Variants in SERPINA7 observed in about 807,000 individuals in gnomAD.
SERPINA7 encodes thyroxine-binding globulin.
A neutral mutation model predicts 16.0 loss-of-function variants in SERPINA7; 14 were observed. That is an observed-to-expected ratio of 0.88 (90% CI 0.58 to 1.37). The LOEUF (loss-of-function observed/expected upper bound fraction) is 1.37, where lower values mean the gene tolerates loss of function less well. Ranked by LOEUF, SERPINA7 falls within the 40% of genes most tolerant of loss-of-function variation. The pLI, the probability that SERPINA7 is intolerant of heterozygous loss-of-function variation, is 0.00. For missense variants in SERPINA7, 335 were observed against 296.6 expected, an observed-to-expected ratio of 1.13 and a Z score of -0.95; for synonymous variants, 140 against 111.0, an observed-to-expected ratio of 1.26 and a Z score of -1.65.
chrX:106,034,642 A>G (rs73517294), intron 3 of SERPINA7, among the ~76,000 whole-genome samples: 7,715 of 111,787 alleles, frequency 0.069, 653 homozygotes, highest in African/African-American at 0.24. Context: ...AATATCCCTG[A>G]GGTGACGACC....
rs1468048105 is a variant in SERPINA7, at chrX:106,036,478, G to A, written c.581C>T (p.Pro194Leu). 3.3e-6 allele frequency: 4 copies of A among 1,210,698 alleles called. No homozygotes were observed. Among genetic ancestry groups the A allele is most frequent in the Non-Finnish European group, 4.5e-6 (4 of 894,697 alleles). The change falls in exon 2 of 5, where the codon CCA (proline) becomes CTA (leucine). Residue 194 changes from proline to leucine, a missense_variant. Transcript: ENST00000372563. ...KVVGLIQDLK[P>L]NTIMVLVNYI... ...GTTCACTAAGACCATGATGGTGTTT[G>A]GCTTGAGGTCTTGAATTAGACCCAC...
rs1371977385 is a variant in SERPINA7, at chrX:106,036,512, C to T, written c.547G>A (p.Gly183Arg). The T allele has an allele frequency of 8.3e-7, 1 of 1,211,064 alleles. No homozygotes were observed. The highest frequency in any genetic ancestry group is 1.8e-5 in the South Asian group (1 of 56,968). Residue 183 changes from glycine to arginine, a missense_variant, in exon 2 of 5, where the codon GGG becomes AGG. Physicochemically the swap from Gly to Arg is moderately radical, Grantham distance 125. Transcript: ENST00000372563. ...TCTTGAATTAGACCCACAACTTTCC[C>T]TTTGGTTTGCATCTCCACATGACTG... ...INSHVEMQTKGKVVGLIQDLK... is the reference protein window; with the variant it reads ...INSHVEMQTKRKVVGLIQDLK...
rs945819823 is a variant in SERPINA7 at position 106,032,849 on chromosome X, C to A, written c.*651G>T. 2 of 113,560 alleles carry A rather than the reference C, an allele frequency of 1.8e-5. No homozygotes were observed. The highest frequency in any genetic ancestry group is 3.7e-5 in the Non-Finnish European group (2 of 54,458). 9.4% of individuals were successfully genotyped at this position (113,560 alleles called of 1,213,427 possible). On this transcript the variant is annotated 3_prime_UTR_variant, in exon 5 of 5. Coordinates refer to ENST00000372563, the MANE Select transcript of SERPINA7 (RefSeq NM_000354.6). ...ATGAATGAATTACTTTCTTTCTCCA[C>A]TCCCAGCTTATACATTGGCAAGGTG...
intron 2 of SERPINA7, 76 bp from the exon 3 acceptor site, chrX:106,035,461 T>C (rs1431439615): frequency 9.8e-7 from 1 of 1,019,438 alleles, no homozygotes; most frequent in East Asian, 3.0e-5. Flanking sequence ...CATTAGTGAT[T>C]TCATTTAGAA....
At chrX:106,034,193 C>T (rs1282264931) in intron 4 of SERPINA7, 42 bp downstream of exon 4, 2 of 1,179,387 alleles carry the variant, frequency 1.7e-6, no homozygotes, top group African/African-American at 3.5e-5. Flanking sequence ...CCTAATTGCT[C>T]TTCCAGTTCA....
chrX:106,035,286 A>T lies in SERPINA7; in HGVS notation c.722T>A (p.Met241Lys). ...ATCCACTAGGTGATAGTATTGTTCC[A>T]TCTGGTGCATCATGGGCACTTGAAC... The part of the protein sequence containing the change: ...TTVQVPMMHQ[M>K]EQYYHLVDME... Residue 241 changes from methionine (M) to lysine (K), a missense_variant, in exon 3 of 5, where the codon ATG becomes AAG. Met to Lys is a moderately conservative substitution (Grantham distance 95). Transcript: ENST00000372563. 1 of 1,210,886 alleles carries T rather than the reference A, an allele frequency of 8.3e-7. No homozygotes were observed. The highest frequency in any genetic ancestry group is 1.1e-6 in the Non-Finnish European group (1 of 894,703).
At chrX:106,034,508 A>G (rs1255614676) in intron 3 of SERPINA7, 126 bp from the exon 4 acceptor site, 3 of 605,636 alleles carry the variant, frequency 5.0e-6, no homozygotes, top group Middle Eastern at 3.2e-4. Context: ...AACCATTACT[A>G]TGTAAGTCAA....
chrX:106,037,209 G>T, intron 1 of SERPINA7, 134 bp from the exon 2 acceptor site: 2 of 518,059 alleles, frequency 3.9e-6, no homozygotes, highest in Middle Eastern at 5.6e-4. Flanking sequence ...GCTCATCAGG[G>T]GCTGAGCAGG....
Position 106,036,743 on chromosome X carries a change from C to G in SERPINA7, c.316G>C (p.Val106Leu), listed in dbSNP as rs1254254939. 8.3e-7 allele frequency: 1 copy of G among 1,208,949 alleles called. No homozygotes were observed. Among genetic ancestry groups the G allele is most frequent in the East Asian group, 3.0e-5 (1 of 33,699 alleles). Residue 106 changes from valine to leucine, a missense_variant, in exon 2 of 5, where the codon GTA (valine) becomes CTA (leucine). By Grantham distance (32) the Val-to-Leu change is conservative (BLOSUM62 1). Transcript: ENST00000372563. ...TGCTGGAAGCCATGCTGGATCTCTA[C>G]CATTGGAGTGTCTGTGAGGTTGAAC... Reference protein sequence around the residue: ...LGFNLTDTPMVEIQHGFQHLI... With the variant: ...LGFNLTDTPMLEIQHGFQHLI...
At chrX:106,033,728 G>C (rs754097471) in intron 4 of SERPINA7, 25 bp from the exon 5 acceptor site, 2 of 1,208,931 alleles carry the variant, frequency 1.7e-6, no homozygotes, top group Non-Finnish European at 2.2e-6. Context: ...CAAATCCTGC[G>C]GGTCTCTGAA....
chrX:106,036,528 C>G lies in SERPINA7; in HGVS notation c.531G>C (p.Val177=), dbSNP rs1264114901. The G allele has an allele frequency of 8.3e-7, 1 of 1,211,206 alleles. No homozygotes were observed. The highest frequency in any genetic ancestry group is 2.2e-5 in the Admixed American group (1 of 45,980). The change falls in exon 2 of 5, where the codon GTG becomes GTC. Residue 177 remains valine, a synonymous_variant. Coordinates refer to ENST00000372563, the MANE Select transcript of SERPINA7 (RefSeq NM_000354.6). ...CAACTTTCCCTTTGGTTTGCATCTC[C>G]ACATGACTGTTAATCTCCTGCTTGG... ...SAAKQEINSH[V]EMQTKGKVVG...
rs2041423365 is a variant in SERPINA7 at position 106,033,522 on chromosome X, A to G, written c.1226T>C (p.Val409Ala). 1 of 1,209,587 alleles carries G rather than the reference A, an allele frequency of 8.3e-7. No individual in the cohort carries two copies. Among genetic ancestry groups the G allele is most frequent in the African/African-American group, 1.8e-5 (1 of 57,139 alleles). Residue 409 changes from valine (V) to alanine (A), a missense_variant, in exon 5 of 5, where the codon GTT becomes GCT. Transcript: ENST00000372563. ...STRSILFLGK[V>A]VNPTEA ...CAACTACGCTTCCGTTGGGTTCACA[A>G]CTTTCCCTAGAAAGAGAATACTCCT...
chrX:106,033,732 C>A, intron 4 of SERPINA7, 29 bp from the exon 5 acceptor site: 14 of 1,210,929 alleles, frequency 1.2e-5, no homozygotes, highest in Non-Finnish European at 1.5e-5. Context: ...TCCTGCGGGT[C>A]TCTGAAGAAA....
intron 1 of SERPINA7, among the ~76,000 whole-genome samples, chrX:106,038,086 T>A (rs1324535469): frequency 9.0e-6 from 1 of 111,654 alleles, no homozygotes; most frequent in African/African-American, 3.3e-5. Context: ...CTCCTAGCCA[T>A]TTATCCAGCT....
Position 106,036,751 on chromosome X carries a change from G to A in SERPINA7, c.308C>T (p.Thr103Ile). Reference sequence around the variant, plus strand: ...GCCATGCTGGATCTCTACCATTGGAGTGTCTGTGAGGTTGAACCCCAAGGT... The same window carrying A: ...GCCATGCTGGATCTCTACCATTGGAATGTCTGTGAGGTTGAACCCCAAGGT... Reference protein sequence around the residue: ...VETLGFNLTDTPMVEIQHGFQ... With the variant: ...VETLGFNLTDIPMVEIQHGFQ... The change falls in exon 2 of 5, where the codon ACT becomes ATT. Residue 103 changes from threonine to isoleucine, a missense_variant. Transcript: ENST00000372563. The A allele has an allele frequency of 8.3e-7, 1 of 1,211,059 alleles. No individual in the cohort carries two copies. The highest frequency in any genetic ancestry group is 1.1e-6 in the Non-Finnish European group (1 of 895,098).
chrX:106,034,381 A>G lies in SERPINA7; in HGVS notation c.898T>C (p.Trp300Arg). The change falls in exon 4 of 5, where the codon TGG becomes CGG. Residue 300 changes from tryptophan (W) to arginine (R), a missense_variant and splice_region_variant. Physicochemically the swap from Trp to Arg is moderately radical, Grantham distance 101. Transcript: ENST00000372563. ...AACTTTGGAACAAACAAGTCAACCC[A>G]TCTGTGGGAAAAGAGGAAGGGAACA... is the stretch of plus-strand genomic sequence containing the variant. ...KKWNRLLQKGWVDLFVPKFSI... is the reference protein window; with the variant it reads ...KKWNRLLQKGRVDLFVPKFSI... The G allele has an allele frequency of 8.3e-7, 1 of 1,202,712 alleles. No homozygotes were observed. The highest frequency in any genetic ancestry group is 1.8e-5 in the South Asian group (1 of 56,690).
chrX:106,038,139 G>C (rs1270562134), intron 1 of SERPINA7, among the ~76,000 whole-genome samples: 2 of 111,237 alleles, frequency 1.8e-5, no homozygotes, highest in Non-Finnish European at 3.8e-5. Flanking sequence ...ACAGACCTCA[G>C]TCTCAATAAG....
rs376561761 is a variant in SERPINA7 at position 106,036,779 on chromosome X, C to T, written c.280G>A (p.Glu94Lys). 9.1e-6 allele frequency: 11 copies of T among 1,208,957 alleles called. No homozygotes were observed. Among genetic ancestry groups the T allele is most frequent in the Non-Finnish European group, 1.2e-5 (11 of 894,830 alleles). ...TCTGTGAGGTTGAACCCCAAGGTCT[C>T]CACAATCTCAGTTTGGGTGCTGCAG... Reference protein sequence around the residue: ...ACCSTQTEIVETLGFNLTDTP... With the variant: ...ACCSTQTEIVKTLGFNLTDTP... The change falls in exon 2 of 5, where the codon GAG (glutamate) becomes AAG (lysine). Residue 94 changes from glutamate (E) to lysine (K), a missense_variant. By Grantham distance (56) the Glu-to-Lys change is moderately conservative. Transcript: ENST00000372563.
At chrX:106,035,440 A>G in intron 2 of SERPINA7, 55 bp from the exon 3 acceptor site, 1 of 1,107,191 alleles carries the variant, frequency 9.0e-7, no homozygotes, top group Non-Finnish European at 1.2e-6. Context: ...CAGTACCAAC[A>G]AGACCTTTTC....
Sources: gnomAD v4.1 joint callset for allele counts (sites outside exome capture counted in the v4.1 genomes callset) on GRCh38, gnomAD v4.1.1 for gene constraint, MANE v1.5 for transcripts, NCBI Gene and HGNC (gene_info 2026-07-23, HGNC 2026-07-21) for gene names.